PACRG: variants seen among roughly 807,000 people sequenced by gnomAD.
PACRG encodes the protein parkin coregulated, also known as parkin coregulated gene protein.
Under a neutral mutation model 29.7 loss-of-function variants are expected in PACRG, and 29 were observed. That is an observed-to-expected ratio of 0.98 (90% CI 0.73 to 1.33). The LOEUF (loss-of-function observed/expected upper bound fraction) is 1.33, where lower values mean the gene tolerates loss of function less well. Among genes scored for constraint, PACRG ranks in the 40% most tolerant of loss-of-function variants. PACRG has a pLI of 0.00. For missense variants in PACRG, 279 were observed against 316.2 expected (o/e 0.88, Z 0.89); for synonymous variants, 116 against 118.7 (o/e 0.98, Z 0.15).
chr6:163,273,120 C>T lies in PACRG; in HGVS notation c.614-41707C>T, dbSNP rs368007400. On this transcript the variant is annotated intron_variant, in intron 4 of 4. Transcript: ENST00000366888. ...GTTTTAGCCGGGATGGTCTCGATCT[C>T]CTGACCTCGTGATCCGCCCGCCTCG... Among the ~76,000 whole-genome samples the T allele has an allele frequency of 2.2e-4, 32 of 146,586 alleles. No individual in the cohort carries two copies. In the East Asian group the frequency reaches 5.2e-3, roughly 24 times the overall value.
intron 3 of PACRG, among the ~76,000 whole-genome samples, chr6:163,066,932 C>G (rs985047161): frequency 7.2e-5 from 11 of 152,130 alleles, no homozygotes; most frequent in African/African-American, 2.7e-4. Flanking sequence ...ATATTCACAA[C>G]AAAAATTTAA....
chr6:163,243,882 C>A (rs540849858), intron 4 of PACRG, among the ~76,000 whole-genome samples: 1 of 152,282 alleles, frequency 6.6e-6, no homozygotes, highest in African/African-American at 2.4e-5. Context: ...AGCTATCTCA[C>A]CCTGGTTAAA....
At chr6:163,229,802 C>T (rs1562328040) in intron 4 of PACRG, among the ~76,000 whole-genome samples, 1 of 152,184 alleles carries the variant, frequency 6.6e-6, no homozygotes, top group South Asian at 2.1e-4. Flanking sequence ...TGAGGACCAA[C>T]AGGCTCCACA....
intron 1 of PACRG, among the ~76,000 whole-genome samples, chr6:162,787,057 GA>G (rs1239484837): frequency 4.6e-5 from 7 of 152,088 alleles, no homozygotes; most frequent in African/African-American, 1.7e-4. Context: ...ATACTAGGAA[GA>G]AAAATAAATA....
upstream of PACRG, chr6:162,727,283 A>AGGGGCGAAGGCGAGGGGCGGCGGC: frequency 3.8e-6 from 1 of 265,568 alleles, no homozygotes; most frequent in Non-Finnish European, 6.9e-6. Flanking sequence ...CAGTGAGGTG[A>AGGGGCGAAGGCGAGGGGCGGCGGC]GGGGCGAAGG....
chr6:163,218,244 T>C (rs1277020983), intron 4 of PACRG, among the ~76,000 whole-genome samples: 1 of 152,226 alleles, frequency 6.6e-6, no homozygotes, highest in African/African-American at 2.4e-5. Context: ...CCTCGTATGA[T>C]GGATACAGCA....
At chr6:162,775,798 C>T (rs760811931) in intron 1 of PACRG, among the ~76,000 whole-genome samples, 1 of 152,108 alleles carries the variant, frequency 6.6e-6, no homozygotes, top group African/African-American at 2.4e-5. Context: ...CTAACACTTA[C>T]GTATTTTAAC....
intron 4 of PACRG, among the ~76,000 whole-genome samples, chr6:163,268,294 C>T (rs185743460): frequency 0.012 from 1,784 of 151,488 alleles, 36 homozygotes; most frequent in African/African-American, 0.041. Flanking sequence ...CCCAGCTACT[C>T]GGGAGGCTGA....
At chr6:163,138,008 G>T (rs1251485753) in intron 4 of PACRG, among the ~76,000 whole-genome samples, 1 of 152,232 alleles carries the variant, frequency 6.6e-6, no homozygotes, top group Non-Finnish European at 1.5e-5. Flanking sequence ...GAGCCTCAGA[G>T]CCTGGCTCAG....
chr6:162,736,466 G>A (rs748127641), intron 1 of PACRG, among the ~76,000 whole-genome samples: 9 of 152,056 alleles, frequency 5.9e-5, no homozygotes, highest in Non-Finnish European at 1.3e-4. Context: ...AGTTGGCAGG[G>A]AGAAAATGTG....
At chr6:163,268,089 C>T (rs893379778) in intron 4 of PACRG, among the ~76,000 whole-genome samples, 12 of 152,056 alleles carry the variant, frequency 7.9e-5, no homozygotes, top group African/African-American at 2.4e-4. Context: ...AGCAAAAGTA[C>T]GTTATAGATA....
At chr6:163,146,745 G>T (rs1458730761) in intron 4 of PACRG, among the ~76,000 whole-genome samples, 4 of 152,142 alleles carry the variant, frequency 2.6e-5, no homozygotes, top group Admixed American at 2.0e-4. Context: ...ATCTGTTCTT[G>T]TATTTTGCCT....
chr6:163,287,027 C>T (rs982547496), intron 4 of PACRG, among the ~76,000 whole-genome samples: 19 of 150,730 alleles, frequency 1.3e-4, no homozygotes, highest in Non-Finnish European at 2.5e-4. Flanking sequence ...TGTGTATGTG[C>T]GTGTGTGTGT....
chr6:163,126,904 G>T (rs1366199858), intron 4 of PACRG, among the ~76,000 whole-genome samples: 4 of 152,220 alleles, frequency 2.6e-5, no homozygotes, highest in African/African-American at 9.6e-5. Flanking sequence ...AGGTAGCACT[G>T]CTGGCCAGGT....
chr6:162,883,545 C>A (rs1427173102), intron 2 of PACRG, among the ~76,000 whole-genome samples: 1 of 152,038 alleles, frequency 6.6e-6, no homozygotes, highest in Non-Finnish European at 1.5e-5. Flanking sequence ...ATATTTATTA[C>A]CCTCTTTTTA....
intron 1 of PACRG, among the ~76,000 whole-genome samples, chr6:162,805,695 C>CT (rs761084590): frequency 2.6e-5 from 4 of 152,082 alleles, no homozygotes; most frequent in Admixed American, 6.5e-5. Context: ...TGTCATTGTC[C>CT]TTTTTTATCA....
chr6:163,183,755 A>G (rs1585308086), intron 4 of PACRG, among the ~76,000 whole-genome samples: 2 of 152,260 alleles, frequency 1.3e-5, no homozygotes. Context: ...CATTTCCTGT[A>G]TCTAAAATGA....
At chr6:163,063,168 A>G (rs1270581179) in intron 3 of PACRG, among the ~76,000 whole-genome samples, 1 of 152,036 alleles carries the variant, frequency 6.6e-6, no homozygotes, top group Non-Finnish European at 1.5e-5. Context: ...TACTGCTACT[A>G]CTAATTAAAA....
At chr6:163,314,451 G>GCCTGATCTCACAATAGA (rs1441659276) in intron 4 of PACRG, among the ~76,000 whole-genome samples, 2 of 152,166 alleles carry the variant, frequency 1.3e-5, no homozygotes, top group Non-Finnish European at 2.9e-5. Flanking sequence ...GGAACGAACA[G>GCCTGATCTCACAATAGA]CCTGATCTCA....
Sources: gnomAD v4.1 joint callset for allele counts (sites outside exome capture counted in the v4.1 genomes callset) on GRCh38, gnomAD v4.1.1 for gene constraint, MANE v1.5 for transcripts, NCBI Gene and HGNC (gene_info 2026-07-23, HGNC 2026-07-21) for gene names.